LRRTM4: variants seen among roughly 807,000 people sequenced by gnomAD.
LRRTM4 encodes leucine rich repeat transmembrane neuronal 4.
In LRRTM4, 25 loss-of-function variants were observed where a neutral mutation model predicts 47.6. That is an observed-to-expected ratio of 0.53 (90% CI 0.38 to 0.73). LRRTM4 has a LOEUF of 0.73. Among genes scored for constraint, LRRTM4 ranks in the 30% least tolerant of loss-of-function variants. LRRTM4 has a pLI of 0.00. For missense variants in LRRTM4, 638 were observed against 713.4 expected (o/e 0.89, Z 1.20); for synonymous variants, 311 against 269.5 (o/e 1.15, Z -1.51).
rs568152290 is a variant in LRRTM4, at chr2:77,140,863, A to G, written c.1551+377455T>C. Among the ~76,000 whole-genome samples, 14 of 152,366 alleles carry G rather than the reference A, an allele frequency of 9.2e-5. No individual in the cohort carries two copies. In the East Asian group the frequency reaches 2.1e-3, roughly 23 times the overall value. On this transcript the variant is annotated intron_variant, in intron 3 of 3. Transcript: ENST00000409884. ...AGACATTTATGCAGCCAACAGACACATGAAAAAATGCTCATCATCACTGGC... is the reference window on the plus strand; with the variant it reads ...AGACATTTATGCAGCCAACAGACACGTGAAAAAATGCTCATCATCACTGGC...
At chr2:77,437,199 T>C (rs1573412917) in intron 3 of LRRTM4, among the ~76,000 whole-genome samples, 1 of 152,148 alleles carries the variant, frequency 6.6e-6, no homozygotes, top group Middle Eastern at 3.4e-3. Context: ...AAGCAAGATG[T>C]TTAGTATAAA....
Position 76,877,374 on chromosome 2 carries a change from G to A in LRRTM4, c.1552-128458C>T, listed in dbSNP as rs2104086306. On this transcript the variant is annotated intron_variant, in intron 3 of 3. Coordinates refer to ENST00000409884, the MANE Select transcript of LRRTM4 (RefSeq NM_001134745.3). ...AAATGATTTTGGTAGCAAAATTTCT[G>A]AGATTTTTTTTTTCAGGAATTAATG... Among the ~76,000 whole-genome samples, 3 of 143,554 alleles carry A rather than the reference G, an allele frequency of 2.1e-5. No individual in the cohort carries two copies. The Admixed American group carries it at 2.2e-4, about 10-fold the overall frequency. The allele number at this position is 143,554 out of a possible 152,430, so 94.2% of individuals were successfully genotyped here.
chr2:77,188,865 A>T (rs1471434192), intron 3 of LRRTM4, among the ~76,000 whole-genome samples: 1 of 152,178 alleles, frequency 6.6e-6, no homozygotes, highest in Non-Finnish European at 1.5e-5. Context: ...TCCACCAGTG[A>T]GTTCGATCAT....
intron 3 of LRRTM4, among the ~76,000 whole-genome samples, chr2:77,295,672 G>C (rs1474840387): frequency 6.6e-6 from 1 of 152,092 alleles, no homozygotes; most frequent in Non-Finnish European, 1.5e-5. Flanking sequence ...CTGAGAAAAG[G>C]ACCTAGCCCA....
At chr2:76,765,279 C>CTA (rs1181842658) in intron 3 of LRRTM4, among the ~76,000 whole-genome samples, 2 of 152,152 alleles carry the variant, frequency 1.3e-5, no homozygotes, top group Non-Finnish European at 2.9e-5. Context: ...TCAGGATGAA[C>CTA]TATACACTTC....
chr2:77,342,924 A>C (rs1671428009), intron 3 of LRRTM4, among the ~76,000 whole-genome samples: 1 of 151,970 alleles, frequency 6.6e-6, no homozygotes, highest in Non-Finnish European at 1.5e-5. Flanking sequence ...CTGGGCCATA[A>C]GCACCTCTCT....
At chr2:77,370,201 G>C (rs1348699893) in intron 3 of LRRTM4, among the ~76,000 whole-genome samples, 3 of 151,622 alleles carry the variant, frequency 2.0e-5, no homozygotes, top group Non-Finnish European at 4.4e-5. Context: ...CAGTGGGTCA[G>C]ATATTAGGCC....
chr2:77,490,390 CTATT>C (rs922918669), intron 3 of LRRTM4, among the ~76,000 whole-genome samples: 26 of 151,926 alleles, frequency 1.7e-4, no homozygotes, highest in Admixed American at 4.6e-4. Context: ...TTTGAGAAAA[CTATT>C]TATAAATTTG....
intron 3 of LRRTM4, among the ~76,000 whole-genome samples, chr2:77,078,380 CCA>C (rs59703273): frequency 0.15 from 21,293 of 138,868 alleles, 1,510 homozygotes; most frequent in Middle Eastern, 0.23. Context: ...ACACACACAC[CCA>C]CACACACACA....
intron 3 of LRRTM4, among the ~76,000 whole-genome samples, chr2:77,451,470 T>C (rs1676251607): frequency 6.6e-6 from 1 of 152,148 alleles, no homozygotes. Flanking sequence ...AATACTAAAT[T>C]AGATGTGGTA....
At chr2:77,281,232 C>A (rs1389170000) in intron 3 of LRRTM4, among the ~76,000 whole-genome samples, 1 of 151,852 alleles carries the variant, frequency 6.6e-6, no homozygotes, top group African/African-American at 2.4e-5. Flanking sequence ...GATAATAGGT[C>A]TTGCAAATGC....
chr2:77,163,621 G>A (rs921717484), intron 3 of LRRTM4, among the ~76,000 whole-genome samples: 10 of 150,876 alleles, frequency 6.6e-5, no homozygotes, highest in East Asian at 2.0e-4. Context: ...GACTAACAGC[G>A]GATCTGTTAC....
At chr2:77,230,184 C>T (rs1674925577) in intron 3 of LRRTM4, among the ~76,000 whole-genome samples, 1 of 152,128 alleles carries the variant, frequency 6.6e-6, no homozygotes, top group African/African-American at 2.4e-5. Flanking sequence ...CCTTTGCATT[C>T]TTTCAACACC....
At chr2:77,325,040 G>A (rs1449011417) in intron 3 of LRRTM4, among the ~76,000 whole-genome samples, 1 of 152,136 alleles carries the variant, frequency 6.6e-6, no homozygotes, top group Non-Finnish European at 1.5e-5. Context: ...TTCCACTGAA[G>A]CAGCTACTAT....
chr2:77,414,662 C>T (rs1008125682), intron 3 of LRRTM4, among the ~76,000 whole-genome samples: 3 of 152,182 alleles, frequency 2.0e-5, no homozygotes, highest in African/African-American at 7.2e-5. Flanking sequence ...TCTTACCCAA[C>T]CACACTTTCT....
Position 77,413,180 on chromosome 2 carries a change from T to A in LRRTM4, c.1551+105138A>T, listed in dbSNP as rs1424282398. ...GTACTTGCATCATTAAGGGTCCTTT[T>A]GCTTGTAATTGGCAGAAATCCTACC... is the stretch of plus-strand genomic sequence containing the variant. On this transcript the variant is annotated intron_variant, in intron 3 of 3. Transcript: ENST00000409884. Among the ~76,000 whole-genome samples the A allele has an allele frequency of 2.6e-5, 4 of 152,174 alleles. No individual in the cohort carries two copies. The East Asian group carries it at 7.7e-4, about 29-fold the overall frequency.
At chr2:77,280,717 G>A (rs896086874) in intron 3 of LRRTM4, among the ~76,000 whole-genome samples, 1 of 151,936 alleles carries the variant, frequency 6.6e-6, no homozygotes, top group Non-Finnish European at 1.5e-5. Context: ...AGATTTCATA[G>A]ACTATGAGAA....
chr2:77,168,598 G>T (rs1672956400), intron 3 of LRRTM4, among the ~76,000 whole-genome samples: 1 of 152,092 alleles, frequency 6.6e-6, no homozygotes, highest in Non-Finnish European at 1.5e-5. Flanking sequence ...AAATATATGA[G>T]AAATGATTGT....
At chr2:77,083,400 T>C (rs1680594115) in intron 3 of LRRTM4, among the ~76,000 whole-genome samples, 2 of 152,112 alleles carry the variant, frequency 1.3e-5, no homozygotes, top group Admixed American at 1.3e-4. Context: ...CAAAACAACA[T>C]AAGATGTGCC....
Sources: allele counts gnomAD v4.1 joint callset (sites outside exome capture counted in the v4.1 genomes callset), GRCh38; gene constraint gnomAD v4.1.1; transcripts MANE v1.5; gene names NCBI Gene and HGNC (gene_info 2026-07-23, HGNC 2026-07-21).